Variants in SPHKAP observed in about 807,000 individuals in gnomAD.
The protein encoded by SPHKAP is A-kinase anchor protein SPHKAP.
A neutral mutation model predicts 137.5 loss-of-function variants in SPHKAP; 67 were observed. The ratio of observed to expected loss-of-function variants is 0.49; its 90% CI spans 0.40 to 0.60. SPHKAP has a LOEUF of 0.60. Ranked by LOEUF, SPHKAP falls within the 20% of genes least tolerant of loss-of-function variation. SPHKAP has a pLI of 0.00. For missense variants in SPHKAP, 2,097 were observed against 2,069.3 expected (o/e 1.01, Z -0.26); for synonymous variants, 813 against 785.3 (o/e 1.04, Z -0.59).
At chr2:228,130,579 C>T (rs768530937) in intron 2 of SPHKAP, among the ~76,000 whole-genome samples, 3 of 152,068 alleles carry the variant, frequency 2.0e-5, no homozygotes, top group Non-Finnish European at 2.9e-5. Context: ...ACCATACAAC[C>T]TTGTATCAAT....
chr2:228,172,935 A>G (rs1383119684), intron 1 of SPHKAP: 2 of 628,318 alleles, frequency 3.2e-6, no homozygotes, highest in Non-Finnish European at 4.0e-6. Context: ...TATGTCTTAT[A>G]TCAAGAAGAG....
intron 3 of SPHKAP, among the ~76,000 whole-genome samples, chr2:228,028,956 C>A (rs1695174990): frequency 6.7e-6 from 1 of 148,588 alleles, no homozygotes. Flanking sequence ...GATAAAAAGA[C>A]TTTTGTTGGG....
At chr2:228,106,758 A>C (rs562182263) in intron 3 of SPHKAP, among the ~76,000 whole-genome samples, 13 of 152,132 alleles carry the variant, frequency 8.5e-5, no homozygotes, top group Non-Finnish European at 1.8e-4. Flanking sequence ...AGGAATGTGC[A>C]ACTCTGGACA....
At chr2:227,999,874 A>G (rs1047366521) in intron 7 of SPHKAP, among the ~76,000 whole-genome samples, 2 of 152,238 alleles carry the variant, frequency 1.3e-5, no homozygotes, top group Non-Finnish European at 2.9e-5. Flanking sequence ...GAGATTCAGA[A>G]GACTATGTCA....
chr2:228,081,888 G>C (rs1697375491), intron 3 of SPHKAP, among the ~76,000 whole-genome samples: 1 of 152,136 alleles, frequency 6.6e-6, no homozygotes, highest in Non-Finnish European at 1.5e-5. Context: ...GATGATGACT[G>C]TAGTTAATAA....
rs78216752 is a variant in SPHKAP at position 228,106,282 on chromosome 2, G to T, written c.246+2550C>A. 7.3e-3 allele frequency among the ~76,000 whole-genome samples: 1,112 copies of T among 152,264 alleles called. 19 individuals carry two copies. The highest frequency in any genetic ancestry group is 0.025 in the African/African-American group (1,044 of 41,556). Reference sequence around the variant, plus strand: ...GAAACCACACATCTAAACACTAGAAGTTCATTACAGTGAATACCAAACCAA... The same window carrying T: ...GAAACCACACATCTAAACACTAGAATTTCATTACAGTGAATACCAAACCAA... On this transcript the variant is annotated intron_variant, in intron 3 of 11. Transcript: ENST00000392056.
intron 8 of SPHKAP, among the ~76,000 whole-genome samples, chr2:227,995,251 G>A (rs922244178): frequency 6.6e-6 from 1 of 152,206 alleles, no homozygotes; most frequent in African/African-American, 2.4e-5. Context: ...ATCATTGAAT[G>A]TTCTAGCTGG....
chr2:228,097,635 T>C (rs1241323053), intron 3 of SPHKAP, among the ~76,000 whole-genome samples: 2 of 152,122 alleles, frequency 1.3e-5, no homozygotes, highest in African/African-American at 4.8e-5. Flanking sequence ...ACCTGACAAG[T>C]AGTTTTCCAT....
At chr2:228,075,951 T>C (rs1697167060) in intron 3 of SPHKAP, among the ~76,000 whole-genome samples, 1 of 152,224 alleles carries the variant, frequency 6.6e-6, no homozygotes, top group African/African-American at 2.4e-5. Context: ...TCTTGAATTG[T>C]AACTCCCACA....
intron 1 of SPHKAP, among the ~76,000 whole-genome samples, chr2:228,152,543 A>G (rs1401113355): frequency 6.6e-6 from 1 of 151,916 alleles, no homozygotes; most frequent in Non-Finnish European, 1.5e-5. Flanking sequence ...AATCCGGTTG[A>G]TAATCGTTGT....
At chr2:228,162,593 C>T (rs1347060307) in intron 1 of SPHKAP, among the ~76,000 whole-genome samples, 1 of 152,198 alleles carries the variant, frequency 6.6e-6, no homozygotes, top group Non-Finnish European at 1.5e-5. Context: ...GTATAGCACA[C>T]ATACATTATA....
intron 1 of SPHKAP, chr2:228,169,820 A>T (rs1334906059): frequency 2.0e-5 from 3 of 152,146 alleles, no homozygotes; most frequent in African/African-American, 7.2e-5. Flanking sequence ...CAGGAATGAC[A>T]TGAAAATTCT....
intron 3 of SPHKAP, among the ~76,000 whole-genome samples, chr2:228,039,577 TATAAA>T (rs549094541): frequency 8.4e-4 from 128 of 152,316 alleles, no homozygotes; most frequent in African/African-American, 2.9e-3. Context: ...TAACTAGTGA[TATAAA>T]ATATATTTTT....
intron 3 of SPHKAP, among the ~76,000 whole-genome samples, chr2:228,053,400 G>C (rs1696328163): frequency 2.0e-5 from 3 of 152,172 alleles, no homozygotes; most frequent in African/African-American, 7.2e-5. Context: ...ACAATGTATA[G>C]GTTGTACTTC....
At chr2:228,155,836 G>A (rs771324907) in intron 1 of SPHKAP, among the ~76,000 whole-genome samples, 29 of 152,274 alleles carry the variant, frequency 1.9e-4, no homozygotes, top group Middle Eastern at 3.4e-3. Flanking sequence ...AATATTTGTT[G>A]CAAATAATAG....
rs1694684567 is a variant in SPHKAP, at chr2:228,018,166, T to C, written c.2688A>G (p.Glu896=). The C allele has an allele frequency of 6.2e-7, 1 of 1,614,200 alleles. No individual in the cohort carries two copies. Among genetic ancestry groups the C allele is most frequent in the Non-Finnish European group, 8.5e-7 (1 of 1,180,022 alleles). ...CTAACAAGGACAGGTTGACTTGAAC[T>C]TCGTTGATGCGAGATGTGGCACAGT... ...KYNCATSRIN[E]VQVNLSLLGD... The change falls in exon 7 of 12, where the codon GAA becomes GAG. Residue 896 remains glutamate (E), a synonymous_variant. Coordinates refer to ENST00000392056, the MANE Select transcript of SPHKAP (RefSeq NM_001142644.2).
At chr2:228,015,855 G>A (rs1264964259) in intron 7 of SPHKAP, among the ~76,000 whole-genome samples, 1 of 151,968 alleles carries the variant, frequency 6.6e-6, no homozygotes, top group Non-Finnish European at 1.5e-5. Flanking sequence ...AAAATGAGAG[G>A]AGAGAAAAAT....
chr2:228,142,402 G>A (rs1699633642), intron 1 of SPHKAP, among the ~76,000 whole-genome samples: 1 of 151,898 alleles, frequency 6.6e-6, no homozygotes, highest in African/African-American at 2.4e-5. Context: ...AACCTAGGAG[G>A]CAGAGCTTGC....
intron 3 of SPHKAP, among the ~76,000 whole-genome samples, chr2:228,042,692 A>T (rs1236957489): frequency 6.6e-6 from 1 of 152,116 alleles, no homozygotes; most frequent in Non-Finnish European, 1.5e-5. Context: ...CCTTGCCTGT[A>T]ATTATTTTTT....
Sources: gnomAD v4.1 joint callset for allele counts (sites outside exome capture counted in the v4.1 genomes callset) on GRCh38, gnomAD v4.1.1 for gene constraint, MANE v1.5 for transcripts, NCBI Gene and HGNC (gene_info 2026-07-23, HGNC 2026-07-21) for gene names.